HMGCS2: variants seen among roughly 807,000 people sequenced by gnomAD.
The protein encoded by HMGCS2 is hydroxymethylglutaryl-CoA synthase, mitochondrial.
HMGCS2 carries 50 observed loss-of-function variants against 57.4 expected under a neutral mutation model. That is an observed-to-expected ratio of 0.87 (90% CI 0.69 to 1.10). The LOEUF (loss-of-function observed/expected upper bound fraction) is 1.10, where lower values mean the gene tolerates loss of function less well. Ranked by LOEUF, HMGCS2 falls within the 50% of genes least tolerant of loss-of-function variation. HMGCS2 has a pLI of 0.00. For missense variants in HMGCS2, 627 were observed against 636.5 expected, an observed-to-expected ratio of 0.99 and a Z score of 0.16; for synonymous variants, 254 against 245.1, an observed-to-expected ratio of 1.04 and a Z score of -0.34.
chr1:119,767,670 C>G lies in HMGCS2; in HGVS notation c.104+1071G>C, dbSNP rs771848277. 2.0e-3 allele frequency among the ~76,000 whole-genome samples: 305 copies of G among 152,232 alleles called. 3 individuals are homozygous for G. The highest frequency in any genetic ancestry group is 0.014 in the Middle Eastern group (4 of 294). ...CATAATGGGATTAACTGTGAATATA[C>G]CAGAAGGGAAATGGGAATGATTCCA... On this transcript the variant is annotated intron_variant, in intron 1 of 9. Transcript: ENST00000369406.
chr1:119,766,258 C>G (rs1320056495), intron 1 of HMGCS2, among the ~76,000 whole-genome samples: 1 of 152,220 alleles, frequency 6.6e-6, no homozygotes, highest in Admixed American at 6.5e-5. Context: ...GAAACCAAGG[C>G]ACACACTGGT....
intron 1 of HMGCS2, among the ~76,000 whole-genome samples, chr1:119,765,290 A>C (rs587771753): frequency 5.9e-5 from 9 of 151,970 alleles, no homozygotes; most frequent in Non-Finnish European, 1.2e-4. Context: ...TTGTATTTTT[A>C]GTAGAGACAG....
At chr1:119,750,683 C>T in intron 9 of HMGCS2, 114 bp downstream of exon 9, 4 of 725,458 alleles carry the variant, frequency 5.5e-6, no homozygotes, top group East Asian at 2.7e-5. Context: ...CACCCCAATC[C>T]TCTTCCATTA....
chr1:119,760,383 C>A (rs1468625118), intron 2 of HMGCS2, among the ~76,000 whole-genome samples: 1 of 152,162 alleles, frequency 6.6e-6, no homozygotes, highest in Admixed American at 6.5e-5. Context: ...ACTAGTAGGA[C>A]ACTAGTTAAC....
intron 6 of HMGCS2, among the ~76,000 whole-genome samples, chr1:119,754,432 C>T (rs1571032571): frequency 6.6e-6 from 1 of 152,104 alleles, no homozygotes; most frequent in East Asian, 1.9e-4. Flanking sequence ...AACTCCTGAG[C>T]TCAAGAGATC....
Position 119,761,493 on chromosome 1 carries a change from C to T in HMGCS2, c.560-1504G>A, listed in dbSNP as rs1445590549. The stretch of plus-strand genomic sequence containing the variant: ...TTAAAAAGGCAAGCTAGGCCGGGCA[C>T]GGTGGCTCACGCCTGTAATCCCAGC... On this transcript the variant is annotated intron_variant, in intron 2 of 9. Transcript: ENST00000369406. Among the ~76,000 whole-genome samples the T allele has an allele frequency of 2.6e-5, 4 of 152,084 alleles. No homozygotes were observed. The East Asian group carries it at 5.8e-4, about 22-fold the overall frequency.
intron 4 of HMGCS2, among the ~76,000 whole-genome samples, chr1:119,757,865 C>A (rs184430822): frequency 6.6e-6 from 1 of 152,210 alleles, no homozygotes; most frequent in Non-Finnish European, 1.5e-5. Flanking sequence ...AATCTCTGCC[C>A]TTAGGAAATA....
chr1:119,768,665 T>C, intron 1 of HMGCS2, 76 bp downstream of exon 1: 2 of 1,129,386 alleles, frequency 1.8e-6, no homozygotes, highest in Non-Finnish European at 2.7e-6. Flanking sequence ...TGAGTGGGAT[T>C]CTAGTGAGTT....
At chr1:119,751,270 C>T (rs1226608684) in intron 8 of HMGCS2, among the ~76,000 whole-genome samples, 1 of 152,078 alleles carries the variant, frequency 6.6e-6, no homozygotes, top group Admixed American at 6.5e-5. Flanking sequence ...CAGACACGTC[C>T]TTCTAAACTC....
At chr1:119,766,221 A>G (rs1653223443) in intron 1 of HMGCS2, among the ~76,000 whole-genome samples, 1 of 152,194 alleles carries the variant, frequency 6.6e-6, no homozygotes, top group Non-Finnish European at 1.5e-5. Flanking sequence ...TGTTCACTTT[A>G]GCAACATTCT....
intron 6 of HMGCS2, 119 bp from the exon 7 acceptor site, chr1:119,753,505 G>A (rs912619061): frequency 3.2e-5 from 22 of 685,510 alleles, no homozygotes; most frequent in African/African-American, 3.0e-4. Flanking sequence ...CTATCATCCC[G>A]ATCTTCTCCC....
At position 119,767,908 on chromosome 1, in the gene HMGCS2, T is replaced by C. The variant is rs587684233; in HGVS notation, c.104+833A>G. 4.6e-5 allele frequency among the ~76,000 whole-genome samples: 7 copies of C among 152,276 alleles called. No homozygotes were observed. In the South Asian group the frequency reaches 1.5e-3, roughly 32 times the overall value. ...GATGATGGTAGCATAATGAAAAATA[T>C]AAGAAAGCTATGTGCATTTGCCTCT... On this transcript the variant is annotated intron_variant, in intron 1 of 9. Coordinates refer to ENST00000369406, the MANE Select transcript of HMGCS2 (RefSeq NM_005518.4).
rs1174993103 is a variant in HMGCS2, at chr1:119,759,103, C to G, written c.850+15G>C. The G allele has an allele frequency of 1.2e-6, 2 of 1,614,124 alleles. No homozygotes were observed. The highest frequency in any genetic ancestry group is 1.7e-6 in the Non-Finnish European group (2 of 1,179,958). ...GTAAATAGAGCCCCCACTTTCTGCC[C>G]TCTGAATCTCATACCTTGCTTCCAC... On this transcript the variant is annotated intron_variant, in intron 4 of 9. Coordinates refer to ENST00000369406, the MANE Select transcript of HMGCS2 (RefSeq NM_005518.4).
In HMGCS2 at chr1:119,752,680, A is replaced by G. The variant is rs745728948; in HGVS notation, c.1295-6T>C. The G allele has an allele frequency of 1.8e-5, 29 of 1,613,880 alleles. No homozygotes were observed. The highest frequency in any genetic ancestry group is 2.4e-5 in the Non-Finnish European group (28 of 1,179,932). On this transcript the variant is annotated splice_region_variant and splice_polypyrimidine_tract_variant and intron_variant, in intron 7 of 9. Coordinates refer to ENST00000369406, the MANE Select transcript of HMGCS2 (RefSeq NM_005518.4). The stretch of plus-strand genomic sequence containing the variant: ...CAACTTGTCCAGGGGAGAGCCTGGG[A>G]AGCAAAAGCAAGATTGTTACACCTT...
At chr1:119,754,948 T>A (rs1043072303) in intron 6 of HMGCS2, among the ~76,000 whole-genome samples, 1 of 152,202 alleles carries the variant, frequency 6.6e-6, no homozygotes, top group African/African-American at 2.4e-5. Context: ...TGCCTATACA[T>A]ACACCTTTGG....
intron 2 of HMGCS2, among the ~76,000 whole-genome samples, chr1:119,760,583 T>C (rs922347219): frequency 6.6e-6 from 1 of 152,198 alleles, no homozygotes; most frequent in African/African-American, 2.4e-5. Context: ...ACTACTTTCA[T>C]TGTGAAAATA....
At chr1:119,768,229 C>T (rs999574904) in intron 1 of HMGCS2, among the ~76,000 whole-genome samples, 1 of 152,208 alleles carries the variant, frequency 6.6e-6, no homozygotes, top group Non-Finnish European at 1.5e-5. Context: ...GCATGTTCTT[C>T]TTGCAAAGAG....
chr1:119,753,952 A>C (rs587774701), intron 6 of HMGCS2, among the ~76,000 whole-genome samples: 1 of 150,994 alleles, frequency 6.6e-6, no homozygotes, highest in Admixed American at 6.6e-5. Context: ...TGGCGTGATC[A>C]TGGCTCACTG....
At chr1:119,753,972 C>T (rs757481011) in intron 6 of HMGCS2, among the ~76,000 whole-genome samples, 3 of 151,602 alleles carry the variant, frequency 2.0e-5, no homozygotes, top group Admixed American at 1.3e-4. Flanking sequence ...GCAGCCTTTA[C>T]CTCCTGGGCT....
Sources: gnomAD v4.1 joint callset for allele counts (sites outside exome capture counted in the v4.1 genomes callset) on GRCh38, gnomAD v4.1.1 for gene constraint, MANE v1.5 for transcripts, NCBI Gene and HGNC (gene_info 2026-07-23, HGNC 2026-07-21) for gene names.